ROR2: variants seen among roughly 807,000 people sequenced by gnomAD.
ROR2 encodes the protein ROR family WNT receptor 2.
A neutral mutation model predicts 74.9 loss-of-function variants in ROR2; 33 were observed. That is an observed-to-expected ratio of 0.44 (90% CI 0.33 to 0.59). The LOEUF (loss-of-function observed/expected upper bound fraction) is 0.59. Among genes scored for constraint, ROR2 ranks in the 20% least tolerant of loss-of-function variants. The probability of loss-of-function intolerance (pLI) is 0.02; values close to 1 mark genes in which losing one functional copy is unlikely to be tolerated. For missense variants in ROR2, 1,216 were observed against 1,313.8 expected, an observed-to-expected ratio of 0.93 and a Z score of 1.15; for synonymous variants, 586 against 558.7, an observed-to-expected ratio of 1.05 and a Z score of -0.69.
chr9:91,906,779 C>T (rs1587837470), intron 1 of ROR2, among the ~76,000 whole-genome samples: 1 of 152,278 alleles, frequency 6.6e-6, no homozygotes, highest in Admixed American at 6.5e-5. Context: ...CATAGTTCTG[C>T]ACCACGGACA....
chr9:91,948,292 C>T (rs1200688388), intron 1 of ROR2, among the ~76,000 whole-genome samples: 1 of 152,190 alleles, frequency 6.6e-6, no homozygotes, highest in African/African-American at 2.4e-5. Flanking sequence ...CAGCAAAAGC[C>T]GCCCAACAGC....
chr9:91,785,174 G>A (rs978828512), intron 1 of ROR2, among the ~76,000 whole-genome samples: 9 of 152,124 alleles, frequency 5.9e-5, no homozygotes, highest in Non-Finnish European at 1.2e-4. Flanking sequence ...AATTCCAGCT[G>A]CTCCCCTGCA....
At chr9:91,846,483 C>G (rs939718050) in intron 1 of ROR2, among the ~76,000 whole-genome samples, 1 of 152,158 alleles carries the variant, frequency 6.6e-6, no homozygotes, top group Non-Finnish European at 1.5e-5. Flanking sequence ...GGACCTCCAG[C>G]CTCCAAACTG....
chr9:91,886,724 G>C (rs190522753), intron 1 of ROR2: 3 of 152,240 alleles, frequency 2.0e-5, no homozygotes, highest in African/African-American at 7.2e-5. Context: ...AGGTTTTTCA[G>C]CTTGGGGGTG....
intron 1 of ROR2, among the ~76,000 whole-genome samples, chr9:91,857,866 T>A (rs1401895471): frequency 1.3e-5 from 2 of 152,212 alleles, no homozygotes; most frequent in Non-Finnish European, 2.9e-5. Flanking sequence ...CACATTTTTC[T>A]TTAATTATGA....
At chr9:91,782,938 G>A (rs993551994) in intron 1 of ROR2, among the ~76,000 whole-genome samples, 21 of 152,330 alleles carry the variant, frequency 1.4e-4, no homozygotes, top group Non-Finnish European at 2.1e-4. Flanking sequence ...CAACAAAGCC[G>A]CACAGATGGG....
intron 1 of ROR2, among the ~76,000 whole-genome samples, chr9:91,822,269 G>A (rs1404188440): frequency 1.3e-5 from 2 of 152,210 alleles, no homozygotes; most frequent in African/African-American, 4.8e-5. Flanking sequence ...CAGCATCCAT[G>A]CATTGGTGTT....
At chr9:91,802,365 C>T (rs1050457217) in intron 1 of ROR2, among the ~76,000 whole-genome samples, 1 of 152,116 alleles carries the variant, frequency 6.6e-6, no homozygotes, top group African/African-American at 2.4e-5. Flanking sequence ...CGTGAGCCAC[C>T]GCGCCTGGCC....
At chr9:91,767,879 T>A (rs994661713) in intron 2 of ROR2, among the ~76,000 whole-genome samples, 1 of 152,206 alleles carries the variant, frequency 6.6e-6, no homozygotes, top group Non-Finnish European at 1.5e-5. Context: ...CCCCAGCCAC[T>A]CATGCTGAAG....
At chr9:91,949,236 G>T (rs892330818) in intron 1 of ROR2, among the ~76,000 whole-genome samples, 1 of 151,808 alleles carries the variant, frequency 6.6e-6, no homozygotes, top group South Asian at 2.1e-4. Flanking sequence ...AGCGGTGGGG[G>T]AGAGGAGGTT....
At chr9:91,785,633 C>A (rs1328800701) in intron 1 of ROR2, among the ~76,000 whole-genome samples, 6 of 152,214 alleles carry the variant, frequency 3.9e-5, no homozygotes, top group Non-Finnish European at 8.8e-5. Context: ...AGGCTGGGGC[C>A]AGGACTCATA....
intron 7 of ROR2, 103 bp downstream of exon 7, chr9:91,730,807 C>T: frequency 6.6e-7 from 1 of 1,505,208 alleles, no homozygotes; most frequent in Non-Finnish European, 9.1e-7. Context: ...CTCTGGTCGC[C>T]ACCGTACAGA....
In ROR2 at chr9:91,921,940, A is replaced by C. The variant is rs1470236510; in HGVS notation, c.97+27927T>G. Among the ~76,000 whole-genome samples, 3 of 130,434 alleles carry C rather than the reference A, an allele frequency of 2.3e-5. No individual in the cohort carries two copies. The East Asian group carries it at 6.9e-4, about 30-fold the overall frequency. The allele number at this position is 130,434 out of a possible 152,430, so 85.6% of individuals were successfully genotyped here. A position where few individuals can be genotyped will look rare whatever the true frequency, so the allele number is the denominator to read the frequency against. ...AGGTGAGATTGGGCAAAGGATCTGA[A>C]TAGACATTTCTCCAAAAAAAAAAAA... On this transcript the variant is annotated intron_variant, in intron 1 of 8. Coordinates refer to ENST00000375708, the MANE Select transcript of ROR2 (RefSeq NM_004560.4).
chr9:91,893,441 C>G (rs1392750524), intron 1 of ROR2, among the ~76,000 whole-genome samples: 1 of 151,276 alleles, frequency 6.6e-6, no homozygotes, highest in African/African-American at 2.4e-5. Context: ...GTGACTCTGT[C>G]TTAAAAAAAA....
chr9:91,736,435 C>G (rs927158189), intron 5 of ROR2, among the ~76,000 whole-genome samples: 4 of 152,212 alleles, frequency 2.6e-5, no homozygotes, highest in African/African-American at 9.6e-5. Flanking sequence ...TTTGCCCCAC[C>G]ACACTCTCCC....
intron 1 of ROR2, among the ~76,000 whole-genome samples, chr9:91,876,055 A>C (rs1361329383): frequency 6.6e-6 from 1 of 152,066 alleles, no homozygotes; most frequent in Non-Finnish European, 1.5e-5. Flanking sequence ...GGGGCAAAAA[A>C]AAAAAAAAGT....
chr9:91,941,058 C>T (rs548090609), intron 1 of ROR2, among the ~76,000 whole-genome samples: 1 of 144,652 alleles, frequency 6.9e-6, no homozygotes, highest in African/African-American at 2.6e-5. Context: ...ACTGCCATGG[C>T]GCTATCTCGG....
intron 1 of ROR2, among the ~76,000 whole-genome samples, chr9:91,949,345 C>A (rs996623977): frequency 1.3e-5 from 2 of 151,256 alleles, no homozygotes; most frequent in Non-Finnish European, 3.0e-5. Flanking sequence ...CCCCCACCCC[C>A]GCCGCAAGAG....
intron 1 of ROR2, among the ~76,000 whole-genome samples, chr9:91,906,989 C>G (rs1213066186): frequency 6.6e-6 from 1 of 152,190 alleles, no homozygotes; most frequent in African/African-American, 2.4e-5. Flanking sequence ...GATCACCACT[C>G]TCCACCCCCA....
Sources: gnomAD v4.1 joint callset for allele counts (sites outside exome capture counted in the v4.1 genomes callset) on GRCh38, gnomAD v4.1.1 for gene constraint, MANE v1.5 for transcripts, NCBI Gene and HGNC (gene_info 2026-07-23, HGNC 2026-07-21) for gene names.